The following SKIL variants were observed in gnomAD, a reference collection of about 807,000 sequenced individuals.
SKIL encodes the protein SKI like proto-oncogene.
Under a neutral mutation model 69.6 loss-of-function variants are expected in SKIL, and 20 were observed. The observed-to-expected ratio is 0.29, with a 90% CI of 0.20 to 0.42. The LOEUF is 0.42. Ranked by LOEUF, SKIL falls within the 10% of genes least tolerant of loss-of-function variation. The pLI is 1.00. For missense variants in SKIL, 745 were observed against 783.1 expected (o/e 0.95, Z 0.58); for synonymous variants, 310 against 279.9 (o/e 1.11, Z -1.08).
At chr3:170,366,590 T>G (rs1214648441) in intron 2 of SKIL, among the ~76,000 whole-genome samples, 1 of 151,920 alleles carries the variant, frequency 6.6e-6, no homozygotes, top group Non-Finnish European at 1.5e-5. Context: ...TGAGGCAGGC[T>G]TGAACCCAGG....
chr3:170,391,357 GC>G, intron 6 of SKIL, 97 bp downstream of exon 6: 1 of 705,178 alleles, frequency 1.4e-6, no homozygotes, highest in Non-Finnish European at 2.3e-6. Context: ...CTGCTCTGTC[GC>G]CCAGGCTGGA....
chr3:170,370,101 C>T (rs918434718), intron 2 of SKIL, among the ~76,000 whole-genome samples: 8 of 151,628 alleles, frequency 5.3e-5, no homozygotes, highest in Non-Finnish European at 8.8e-5. Context: ...TAGCCGGGCG[C>T]GGTGGCAGGC....
intron 2 of SKIL, among the ~76,000 whole-genome samples, chr3:170,374,479 A>G (rs1454587560): frequency 6.6e-6 from 1 of 152,238 alleles, no homozygotes; most frequent in Non-Finnish European, 1.5e-5. Context: ...AATACACATA[A>G]AAATAAATGA....
intron 4 of SKIL, among the ~76,000 whole-genome samples, chr3:170,388,086 C>T (rs1422824969): frequency 6.6e-6 from 1 of 151,784 alleles, no homozygotes; most frequent in Non-Finnish European, 1.5e-5. Context: ...TTTTGAGGAA[C>T]TGCCAAACTT....
rs115976210 is a variant in SKIL, at chr3:170,378,303, G to A, written c.1099-2941G>A. Reference sequence around the variant, plus strand: ...TCAGCCTGTTTTGTTGAGGGCAGTGGGTTACTTGTCAGATCTCTCCCAGGT... The same window carrying A: ...TCAGCCTGTTTTGTTGAGGGCAGTGAGTTACTTGTCAGATCTCTCCCAGGT... On this transcript the variant is annotated intron_variant, in intron 2 of 6. Transcript: ENST00000259119. 5.4e-3 allele frequency among the ~76,000 whole-genome samples: 824 copies of A among 152,176 alleles called. 5 individuals are homozygous for A. Among genetic ancestry groups the A allele is most frequent in the African/African-American group, 0.019 (792 of 41,512 alleles).
chr3:170,390,574 C>T, intron 5 of SKIL, 110 bp downstream of exon 5: 1 of 804,034 alleles, frequency 1.2e-6, no homozygotes, highest in Non-Finnish European at 2.0e-6. Flanking sequence ...GAAACCTCCA[C>T]CTCACAGGTT....
At chr3:170,370,484 GTCT>G (rs1313017994) in intron 2 of SKIL, among the ~76,000 whole-genome samples, 9 of 113,974 alleles carry the variant, frequency 7.9e-5, no homozygotes, top group Admixed American at 2.8e-4. Context: ...TAGTCTTACA[GTCT>G]TCTTATATCT....
chr3:170,364,750 GGATT>G (rs1261809983), intron 2 of SKIL, among the ~76,000 whole-genome samples: 1 of 152,094 alleles, frequency 6.6e-6, no homozygotes, highest in African/African-American at 2.4e-5. Context: ...AAAAGATGAT[GGATT>G]AATTTACTTA....
chr3:170,369,082 A>ATTTTTTTTT (rs55652320), intron 2 of SKIL, among the ~76,000 whole-genome samples: 2 of 126,776 alleles, frequency 1.6e-5, no homozygotes, highest in African/African-American at 3.0e-5. Context: ...TATCCCTGGC[A>ATTTTTTTTT]TTTTTTTTTT....
chr3:170,386,237 T>C (rs1737625053), intron 4 of SKIL, among the ~76,000 whole-genome samples: 1 of 151,526 alleles, frequency 6.6e-6, no homozygotes, highest in Non-Finnish European at 1.5e-5. Context: ...TTCAAGTGAT[T>C]CTCCTGCCTC....
intron 2 of SKIL, among the ~76,000 whole-genome samples, chr3:170,364,354 G>C (rs6784236): frequency 0.025 from 2,449 of 97,766 alleles, 72 homozygotes; most frequent in African/African-American, 0.09. Flanking sequence ...ACAGAGTTTC[G>C]CTCTTATTGC....
At chr3:170,371,149 C>T (rs1365150413) in intron 2 of SKIL, among the ~76,000 whole-genome samples, 3 of 152,036 alleles carry the variant, frequency 2.0e-5, no homozygotes, top group Non-Finnish European at 4.4e-5. Context: ...TATTCATTTG[C>T]GTATGTAATT....
rs1376390221 is a variant in SKIL at position 170,360,782 on chromosome 3, G to A, written c.451G>A (p.Gly151Arg). The A allele has an allele frequency of 1.2e-6, 2 of 1,614,048 alleles. No individual in the cohort carries two copies. Among genetic ancestry groups the A allele is most frequent in the African/African-American group, 1.3e-5 (1 of 74,932 alleles). Reference sequence around the variant, plus strand: ...AGAACTCACTCAGACTGTGTTGGAAGGGGAATCTATTTCTTGTTTTCAAGT... The same window carrying A: ...AGAACTCACTCAGACTGTGTTGGAAAGGGAATCTATTTCTTGTTTTCAAGT... ...STELTQTVLE[G>R]ESISCFQVGG... Residue 151 changes from glycine to arginine, a missense_variant, in exon 2 of 7, where the codon GGG becomes AGG. Coordinates refer to ENST00000259119, the MANE Select transcript of SKIL (RefSeq NM_005414.5).
intron 2 of SKIL, among the ~76,000 whole-genome samples, chr3:170,368,658 A>G (rs535640590): frequency 2.7e-4 from 41 of 152,300 alleles, no homozygotes; most frequent in African/African-American, 9.6e-4. Context: ...TTTCTTATCT[A>G]GAATTATATT....
chr3:170,380,774 C>G (rs1737303981), intron 2 of SKIL, among the ~76,000 whole-genome samples: 1 of 152,096 alleles, frequency 6.6e-6, no homozygotes, highest in African/African-American at 2.4e-5. Flanking sequence ...GTGGGTGTCT[C>G]TGAGTTTCAG....
chr3:170,387,933 CAAAAAAAAA>C (rs541166783), intron 4 of SKIL, among the ~76,000 whole-genome samples: 4 of 51,088 alleles, frequency 7.8e-5, no homozygotes, highest in Non-Finnish European at 1.3e-4. Context: ...GACTCCGTCT[CAAAAAAAAA>C]AAAAAAAAAA....
rs1738187838 is a variant in SKIL at position 170,396,374 on chromosome 3, TATC to T, written c.*3958_*3960del. On this transcript the variant is annotated 3_prime_UTR_variant, in exon 7 of 7. Coordinates refer to ENST00000259119, the MANE Select transcript of SKIL (RefSeq NM_005414.5). ...GAAATAAAATTTTACTTGTTTTTAC[TATC>T]CTGTTAGAAGTATTTGTTTATCCTG... 6.6e-6 allele frequency: 1 copy of T among 152,200 alleles called. No individual in the cohort carries two copies. 9.4% of individuals were successfully genotyped at this position (152,200 alleles called of 1,614,324 possible).
chr3:170,368,655 T>C (rs1364981625), intron 2 of SKIL, among the ~76,000 whole-genome samples: 2 of 152,246 alleles, frequency 1.3e-5, no homozygotes, highest in Non-Finnish European at 2.9e-5. Flanking sequence ...CATTTTCTTA[T>C]CTAGAATTAT....
In SKIL at chr3:170,393,558, G is replaced by A. The variant is rs1350793085; in HGVS notation, c.*1141G>A. 1 of 152,090 alleles carries A rather than the reference G, an allele frequency of 6.6e-6. No homozygotes were observed. Among genetic ancestry groups the A allele is most frequent in the Admixed American group, 6.6e-5 (1 of 15,266 alleles). 9.4% of individuals were successfully genotyped at this position (152,090 alleles called of 1,614,324 possible). A position where few individuals can be genotyped will look rare whatever the true frequency, so the allele number is the denominator to read the frequency against. ...AAGATAAAGGAATTCCATAGTTTCA[G>A]GAGGGACAACATCTTCTGCACTTTT... On this transcript the variant is annotated 3_prime_UTR_variant, in exon 7 of 7. Coordinates refer to ENST00000259119, the MANE Select transcript of SKIL (RefSeq NM_005414.5).
Sources: gnomAD v4.1 joint callset for allele counts (sites outside exome capture counted in the v4.1 genomes callset) on GRCh38, gnomAD v4.1.1 for gene constraint, MANE v1.5 for transcripts, NCBI Gene and HGNC (gene_info 2026-07-23, HGNC 2026-07-21) for gene names.